The following BMPR1A variants were observed in gnomAD, a reference collection of about 807,000 sequenced individuals.
BMPR1A encodes the protein bone morphogenetic protein receptor type-1A.
Under a neutral mutation model 66.0 loss-of-function variants are expected in BMPR1A, and 7 were observed. The observed-to-expected ratio is 0.11, with a 90% CI of 0.06 to 0.20. BMPR1A has a LOEUF of 0.20. BMPR1A is among the 10% of genes least tolerant of loss of function. BMPR1A has a pLI of 1.00. For missense variants in BMPR1A, 408 were observed against 669.1 expected (o/e 0.61, Z 4.31); for synonymous variants, 200 against 229.7 (o/e 0.87, Z 1.17).
intron 1 of BMPR1A, among the ~76,000 whole-genome samples, chr10:86,775,019 C>T (rs1401017933): frequency 6.6e-6 from 1 of 152,110 alleles, no homozygotes; most frequent in Non-Finnish European, 1.5e-5. Flanking sequence ...TTTTAGTGTT[C>T]TTTTTAGTGC....
chr10:86,889,372 G>A (rs921869060), intron 3 of BMPR1A, among the ~76,000 whole-genome samples: 15 of 152,156 alleles, frequency 9.9e-5, no homozygotes, highest in Middle Eastern at 3.2e-3. Flanking sequence ...CCTTACTTAA[G>A]CAATTAAAGG....
At chr10:86,853,296 A>G (rs1247816884) in intron 2 of BMPR1A, among the ~76,000 whole-genome samples, 1 of 150,258 alleles carries the variant, frequency 6.7e-6, no homozygotes, top group Non-Finnish European at 1.5e-5. Flanking sequence ...CTTTTTTTCT[A>G]AGAAAAAAAA....
intron 7 of BMPR1A, among the ~76,000 whole-genome samples, chr10:86,900,964 CTGA>C (rs1843300050): frequency 2.0e-5 from 3 of 152,234 alleles, no homozygotes; most frequent in Admixed American, 6.5e-5. Flanking sequence ...CACATCAGGG[CTGA>C]TCTGTGTGAC....
intron 1 of BMPR1A, among the ~76,000 whole-genome samples, chr10:86,796,490 CATTTATTTATTTATTTATTT>C (rs138802508): frequency 1.0e-4 from 15 of 148,098 alleles, no homozygotes; most frequent in Non-Finnish European, 1.6e-4. Flanking sequence ...AATTTAGGCA[CATTTATTTATTTATTTATTT>C]ATTTATTTAT....
chr10:86,822,492 G>A (rs1842133486), intron 1 of BMPR1A, among the ~76,000 whole-genome samples: 2 of 152,142 alleles, frequency 1.3e-5, no homozygotes, highest in African/African-American at 4.8e-5. Flanking sequence ...GAAAACGTAT[G>A]GCATTAGGAT....
intron 1 of BMPR1A, among the ~76,000 whole-genome samples, chr10:86,793,088 A>G (rs1841652552): frequency 1.4e-5 from 2 of 141,168 alleles, no homozygotes; most frequent in East Asian, 2.1e-4. Context: ...CATCCTCCTG[A>G]TCTATACCCC....
At chr10:86,767,379 C>T (rs1049024988) in intron 1 of BMPR1A, among the ~76,000 whole-genome samples, 3 of 152,234 alleles carry the variant, frequency 2.0e-5, no homozygotes, top group Middle Eastern at 6.8e-3. Context: ...GAATATGCTA[C>T]TGCAACATAA....
At chr10:86,778,778 T>C (rs1841393431) in intron 1 of BMPR1A, among the ~76,000 whole-genome samples, 1 of 152,096 alleles carries the variant, frequency 6.6e-6, no homozygotes, top group Non-Finnish European at 1.5e-5. Context: ...CTATCCTCTG[T>C]TCTGTGTTTT....
At chr10:86,772,661 A>G (rs1841282885) in intron 1 of BMPR1A, among the ~76,000 whole-genome samples, 1 of 152,146 alleles carries the variant, frequency 6.6e-6, no homozygotes, top group Non-Finnish European at 1.5e-5. Context: ...TCTGATTTTT[A>G]CCTGTTAATG....
chr10:86,783,542 C>T (rs1284327059), intron 1 of BMPR1A, among the ~76,000 whole-genome samples: 2 of 152,142 alleles, frequency 1.3e-5, no homozygotes, highest in African/African-American at 4.8e-5. Flanking sequence ...TTTTAGTGTA[C>T]AAGTCTTTTG....
At chr10:86,770,295 C>G (rs1355824050) in intron 1 of BMPR1A, among the ~76,000 whole-genome samples, 1 of 152,112 alleles carries the variant, frequency 6.6e-6, no homozygotes, top group Non-Finnish European at 1.5e-5. Context: ...TGTCATATTC[C>G]CAGCTTCTTG....
intron 1 of BMPR1A, among the ~76,000 whole-genome samples, chr10:86,792,151 T>TC (rs1349140004): frequency 7.3e-6 from 1 of 136,494 alleles, no homozygotes; most frequent in Admixed American, 8.0e-5. Context: ...CACTGCAACC[T>TC]CCAACTCCCT....
intron 3 of BMPR1A, among the ~76,000 whole-genome samples, chr10:86,886,828 CTTTTTT>C (rs10572910): frequency 2.6e-5 from 2 of 76,708 alleles, no homozygotes; most frequent in African/African-American, 4.5e-5. Context: ...TATTTTGTCA[CTTTTTT>C]TTTTTTTTTT....
intron 1 of BMPR1A, among the ~76,000 whole-genome samples, chr10:86,815,750 A>G (rs1014273394): frequency 1.3e-5 from 2 of 152,200 alleles, no homozygotes; most frequent in Non-Finnish European, 2.9e-5. Flanking sequence ...TACCTGTGGC[A>G]GTGACTTCTT....
Position 86,924,055 on chromosome 10 carries a change from G to T in BMPR1A, c.*336G>T. On this transcript the variant is annotated 3_prime_UTR_variant, in exon 13 of 13. Coordinates refer to ENST00000372037, the MANE Select transcript of BMPR1A (RefSeq NM_004329.3). ...TACTGAATTGCCTGTTCATAAAACG[G>T]TGCTTTCTGTGAAAGCCTTAAGAAG... is the stretch of plus-strand genomic sequence containing the variant. 4.8e-6 allele frequency: 2 copies of T among 415,926 alleles called. No homozygotes were observed. Among genetic ancestry groups the T allele is most frequent in the Non-Finnish European group, 8.9e-6 (2 of 224,058 alleles). 25.8% of individuals were successfully genotyped at this position (415,926 alleles called of 1,614,324 possible).
intron 2 of BMPR1A, among the ~76,000 whole-genome samples, chr10:86,847,443 C>T (rs1290172930): frequency 6.6e-6 from 1 of 151,950 alleles, no homozygotes; most frequent in Non-Finnish European, 1.5e-5. Context: ...TTTGTTTCTC[C>T]CTTCCCTGCT....
intron 1 of BMPR1A, among the ~76,000 whole-genome samples, chr10:86,810,328 G>C (rs991187172): frequency 1.3e-5 from 2 of 152,140 alleles, no homozygotes; most frequent in Non-Finnish European, 2.9e-5. Flanking sequence ...TTCGTTGGTT[G>C]ATAAGGCATT....
downstream of BMPR1A, chr10:86,932,741 G>C: frequency 6.6e-6 from 1 of 152,184 alleles, no homozygotes; most frequent in East Asian, 1.9e-4. Context: ...GACATAACAG[G>C]GTGCAGAGGC....
chr10:86,793,440 T>A (rs1212764201), intron 1 of BMPR1A, among the ~76,000 whole-genome samples: 2 of 151,650 alleles, frequency 1.3e-5, no homozygotes, highest in East Asian at 3.9e-4. Flanking sequence ...CTCGGCTCTC[T>A]GCAACCTCTG....
Sources: gnomAD v4.1 joint callset for allele counts (sites outside exome capture counted in the v4.1 genomes callset) on GRCh38, gnomAD v4.1.1 for gene constraint, MANE v1.5 for transcripts, NCBI Gene and HGNC (gene_info 2026-07-23, HGNC 2026-07-21) for gene names.